Variants in MKX observed in about 807,000 individuals in gnomAD.
MKX encodes homeobox protein Mohawk.
In MKX, 13 loss-of-function variants were observed where a neutral mutation model predicts 36.0. The ratio of observed to expected loss-of-function variants is 0.36; its 90% CI spans 0.24 to 0.57. The LOEUF (loss-of-function observed/expected upper bound fraction) is 0.57. Ranked by LOEUF, MKX falls within the 20% of genes least tolerant of loss-of-function variation. The probability of loss-of-function intolerance (pLI) is 0.79; values close to 1 mark genes in which losing one functional copy is unlikely to be tolerated. For missense variants in MKX, 458 were observed against 456.4 expected, an observed-to-expected ratio of 1.00 and a Z score of -0.03; for synonymous variants, 176 against 178.3, an observed-to-expected ratio of 0.99 and a Z score of 0.10.
chr10:27,743,163 C>A lies in MKX; in HGVS notation c.188+65G>T, dbSNP rs546811475. 6 of 1,367,060 alleles carry A rather than the reference C, an allele frequency of 4.4e-6. No homozygotes were observed. In the African/African-American group the frequency reaches 9.1e-5, roughly 21 times the overall value. The allele number at this position is 1,367,060 out of a possible 1,614,324, so 84.7% of individuals were successfully genotyped here. On this transcript the variant is annotated intron_variant, in intron 2 of 6. Transcript: ENST00000419761. ...CGCCCGCGTTGCCACGGGACCCCGT[C>A]ACAGCTCACCACCCCCACCCCTCCG...
chr10:27,729,158 TA>T (rs1361360898), intron 5 of MKX, among the ~76,000 whole-genome samples: 2 of 152,238 alleles, frequency 1.3e-5, no homozygotes, highest in Admixed American at 1.3e-4. Flanking sequence ...CAGATGTGTC[TA>T]ATTAAGAGGG....
chr10:27,727,458 G>GCA (rs1310140192), intron 5 of MKX, among the ~76,000 whole-genome samples: 1 of 152,238 alleles, frequency 6.6e-6, no homozygotes, highest in African/African-American at 2.4e-5. Context: ...ATTTTTGCAA[G>GCA]TGAAGCCAGA....
At chr10:27,712,681 G>A (rs1035119479) in intron 5 of MKX, among the ~76,000 whole-genome samples, 2 of 152,206 alleles carry the variant, frequency 1.3e-5, no homozygotes, top group African/African-American at 2.4e-5. Context: ...AGGCACAGTG[G>A]CTCAGGCCTG....
chr10:27,683,710 AGAGAGCCTCTGGG>A (rs762306444), intron 5 of MKX, among the ~76,000 whole-genome samples: 4 of 152,246 alleles, frequency 2.6e-5, no homozygotes, highest in Non-Finnish European at 5.9e-5. Context: ...TCAGAAGTCC[AGAGAGCCTCTGGG>A]GATACCAGAT....
At chr10:27,743,583 G>A (rs1834971678) in intron 1 of MKX, 86 bp from the exon 2 acceptor site, 2 of 722,680 alleles carry the variant, frequency 2.8e-6, no homozygotes, top group Non-Finnish European at 4.1e-6. Flanking sequence ...TGGCCGGGTC[G>A]CCGGGCTGCG....
At chr10:27,677,248 T>C (rs1836169554) in intron 5 of MKX, among the ~76,000 whole-genome samples, 1 of 152,344 alleles carries the variant, frequency 6.6e-6, no homozygotes, top group Admixed American at 6.5e-5. Flanking sequence ...CTGCTAGTTC[T>C]ACGGCCTTTG....
intron 5 of MKX, among the ~76,000 whole-genome samples, chr10:27,691,478 G>A (rs1836452884): frequency 1.3e-5 from 2 of 152,094 alleles, no homozygotes; most frequent in African/African-American, 4.8e-5. Context: ...TATATTATTG[G>A]ATTTCTAATA....
chr10:27,709,354 C>T (rs1836813532), intron 5 of MKX, among the ~76,000 whole-genome samples: 1 of 152,118 alleles, frequency 6.6e-6, no homozygotes, highest in Non-Finnish European at 1.5e-5. Context: ...AGGTCACATG[C>T]AAATACTATG....
At chr10:27,685,613 T>G (rs7901105) in intron 5 of MKX, among the ~76,000 whole-genome samples, 32,282 of 151,902 alleles carry the variant, frequency 0.21, 5,606 homozygotes, top group East Asian at 0.56. Flanking sequence ...CACGCCTGGC[T>G]AATTTTTTTT....
chr10:27,678,425 G>A (rs1589649193), intron 5 of MKX, among the ~76,000 whole-genome samples: 5 of 152,342 alleles, frequency 3.3e-5, no homozygotes, highest in African/African-American at 1.2e-4. Flanking sequence ...TAATTTCCGT[G>A]AGGCTTAAAT....
intron 5 of MKX, among the ~76,000 whole-genome samples, chr10:27,690,772 C>G (rs183994786): frequency 6.6e-6 from 1 of 152,076 alleles, no homozygotes; most frequent in Non-Finnish European, 1.5e-5. Context: ...GGTACTAAGC[C>G]CCCTACTGGG....
At chr10:27,694,428 C>A (rs1002740596) in intron 5 of MKX, among the ~76,000 whole-genome samples, 3 of 151,032 alleles carry the variant, frequency 2.0e-5, no homozygotes, top group African/African-American at 7.3e-5. Flanking sequence ...CGCCTGTAAT[C>A]CCAGCACTTT....
intron 5 of MKX, among the ~76,000 whole-genome samples, chr10:27,682,067 G>A (rs1312038229): frequency 6.6e-6 from 1 of 152,210 alleles, no homozygotes; most frequent in Non-Finnish European, 1.5e-5. Flanking sequence ...AAGACATGGA[G>A]GTGGAAGACA....
At chr10:27,711,234 T>C (rs2132592244) in intron 5 of MKX, among the ~76,000 whole-genome samples, 1 of 152,344 alleles carries the variant, frequency 6.6e-6, no homozygotes, top group Admixed American at 6.5e-5. Context: ...GGGAAAAGAA[T>C]GCATCTCTCA....
At chr10:27,687,634 A>C (rs1420961265) in intron 5 of MKX, among the ~76,000 whole-genome samples, 1 of 152,206 alleles carries the variant, frequency 6.6e-6, no homozygotes, top group East Asian at 1.9e-4. Context: ...AGCTTTTCAG[A>C]ATAAACAGAC....
rs1834909686 is a variant in MKX at position 27,741,991 on chromosome 10, A to G, written c.189-487T>C. ...TCAGGGGAAAGGTCGCCGACTGGAC[A>G]TAGGGAATAAAGCAAAGGAGCATTG... On this transcript the variant is annotated intron_variant, in intron 2 of 6. Coordinates refer to ENST00000419761, the MANE Select transcript of MKX (RefSeq NM_173576.3). The surrounding 1 kb of genome is among the most constrained non-coding windows in gnomAD (Gnocchi z 5.1). Among the ~76,000 whole-genome samples the G allele has an allele frequency of 6.6e-6, 1 of 152,058 alleles. No homozygotes were observed. The highest frequency in any genetic ancestry group is 1.5e-5 in the Non-Finnish European group (1 of 68,008).
chr10:27,675,278 T>A lies in MKX; in HGVS notation c.1010A>T (p.His337Leu). ...TTSCIIQKSS[H>L]IAEVKTVKVP... ...TTTGACAGTCTTTACTTCTGCTATA[T>A]GGGACGACTTCTGGATGATGCAGCT... The change falls in exon 7 of 7, where the codon CAT becomes CTT. Residue 337 changes from histidine to leucine, a missense_variant. Physicochemically the swap from His to Leu is moderately conservative, Grantham distance 99. Around this residue, in one of 3 missense-constraint regions of MKX, gnomAD observed 297 missense variants for 304.4 expected, o/e 0.98. Transcript: ENST00000419761. 1 of 1,614,212 alleles carries A rather than the reference T, an allele frequency of 6.2e-7. No individual in the cohort carries two copies. Among genetic ancestry groups the A allele is most frequent in the Non-Finnish European group, 8.5e-7 (1 of 1,180,036 alleles).
At chr10:27,678,422 C>T (rs761686808) in intron 5 of MKX, among the ~76,000 whole-genome samples, 12 of 152,174 alleles carry the variant, frequency 7.9e-5, no homozygotes, top group South Asian at 2.1e-4. Flanking sequence ...GAATAATTTC[C>T]GTGAGGCTTA....
chr10:27,740,987 G>C (rs1834879824), intron 3 of MKX, among the ~76,000 whole-genome samples: 1 of 152,192 alleles, frequency 6.6e-6, no homozygotes, highest in South Asian at 2.1e-4. Context: ...CCTTGTAAGA[G>C]ATGCAAATGA....
Sources: allele counts gnomAD v4.1 joint callset (sites outside exome capture counted in the v4.1 genomes callset), GRCh38; gene constraint gnomAD v4.1.1; regional missense constraint gnomAD v4.1.1; non-coding constraint Gnocchi (gnomAD v3.1); transcripts MANE v1.5; gene names NCBI Gene and HGNC (gene_info 2026-07-23, HGNC 2026-07-21).